ITPRIPL2: variants seen among roughly 807,000 people sequenced by gnomAD.
ITPRIPL2 encodes the protein inositol 1,4,5-trisphosphate receptor-interacting protein-like 2.
A neutral mutation model predicts 31.7 loss-of-function variants in ITPRIPL2; 29 were observed. The ratio of observed to expected loss-of-function variants is 0.91; its 90% CI spans 0.68 to 1.25. The LOEUF is 1.25. Among genes scored for constraint, ITPRIPL2 ranks in the 50% most tolerant of loss-of-function variants. The pLI is 0.00. For synonymous variants in ITPRIPL2, 344 were observed against 343.4 expected, an observed-to-expected ratio of 1.00 and a Z score of -0.02; for missense variants, 696 against 739.1, an observed-to-expected ratio of 0.94 and a Z score of 0.68.
In ITPRIPL2 at chr16:19,118,464, C is replaced by CAAA. The variant is rs34900715; in HGVS notation, c.*2410_*2412dup. The CAAA allele has an allele frequency of 9.8e-4, 119 of 121,738 alleles. No individual in the cohort carries two copies. Among genetic ancestry groups the CAAA allele is most frequent in the African/African-American group, 2.1e-3 (61 of 29,014 alleles). The allele number at this position is 121,738 out of a possible 1,614,324, so 7.5% of individuals were successfully genotyped here. ...TGGGTGACCGAGCGAGACTCCGTCTCAAAAAAAAAAAAAAAAAGCTTTAAA... is the reference window on the plus strand; with the variant it reads ...TGGGTGACCGAGCGAGACTCCGTCTCAAAAAAAAAAAAAAAAAAAAGCTTTAAA... On this transcript the variant is annotated 3_prime_UTR_variant, in exon 1 of 1. Transcript: ENST00000381440.
chr16:19,116,354 G>A lies in ITPRIPL2; in HGVS notation c.*285G>A, dbSNP rs577303279. ...TTGTTCTGTGTAGACGGATTCTGTA[G>A]AAGGATGTGGCTTTTAGAGAAGTCC... On this transcript the variant is annotated 3_prime_UTR_variant, in exon 1 of 1. Coordinates refer to ENST00000381440, the MANE Select transcript of ITPRIPL2 (RefSeq NM_001034841.4). The A allele has an allele frequency of 3.2e-3, 1,215 of 374,572 alleles. 5 individuals carry two copies. Among genetic ancestry groups the A allele is most frequent in the Non-Finnish European group, 4.7e-3 (941 of 201,438 alleles). 23.2% of individuals were successfully genotyped at this position (374,572 alleles called of 1,614,324 possible). A position where few individuals can be genotyped will look rare whatever the true frequency, so the allele number is the denominator to read the frequency against.
Position 19,113,992 on chromosome 16 carries a change from T to C in ITPRIPL2, c.-470T>C. 1 of 394,394 alleles carries C rather than the reference T, an allele frequency of 2.5e-6. No homozygotes were observed. Among genetic ancestry groups the C allele is most frequent in the Non-Finnish European group, 4.5e-6 (1 of 223,290 alleles). The allele number at this position is 394,394 out of a possible 1,614,324, so 24.4% of individuals were successfully genotyped here. ...CCGGCTCGCCAGCTCCACGCTCGGC[T>C]CCAGACTCCGGCATTTCCTCCCCGC... On this transcript the variant is annotated 5_prime_UTR_variant, in exon 1 of 1. Transcript: ENST00000381440.
rs755624187 is a variant in ITPRIPL2, at chr16:19,115,890, C to G, written c.1429C>G (p.Pro477Ala). The G allele has an allele frequency of 2.5e-6, 4 of 1,611,876 alleles. No individual in the cohort carries two copies. The South Asian group carries it at 4.4e-5, about 18-fold the overall frequency. ...PLPKALREAAPVDLLAAFDGH... is the reference protein window; with the variant it reads ...PLPKALREAAAVDLLAAFDGH... ...GCCCAAGGCACTGAGGGAAGCCGCC[C>G]CAGTTGACCTCCTGGCCGCTTTCGA... The change falls in exon 1 of 1, where the codon CCA becomes GCA. Residue 477 changes from proline (P) to alanine (A), a missense_variant. Physicochemically the swap from Pro to Ala is conservative, Grantham distance 27 (BLOSUM62 -1). Transcript: ENST00000381440.
rs1269055742 is a variant in ITPRIPL2 at position 19,118,448 on chromosome 16, G to A, written c.*2379G>A. On this transcript the variant is annotated 3_prime_UTR_variant, in exon 1 of 1. Transcript: ENST00000381440. ...CCACTGCACTCCAGCCTGGGTGACC[G>A]AGCGAGACTCCGTCTCAAAAAAAAA... The A allele has an allele frequency of 4.2e-5, 6 of 141,556 alleles. No individual in the cohort carries two copies. Among genetic ancestry groups the A allele is most frequent in the Admixed American group, 1.7e-4 (2 of 11,614 alleles). The allele number at this position is 141,556 out of a possible 1,614,324, so 8.8% of individuals were successfully genotyped here.
At position 19,116,146 on chromosome 16, in the gene ITPRIPL2, C is replaced by A; in HGVS notation, c.*77C>A. On this transcript the variant is annotated 3_prime_UTR_variant, in exon 1 of 1. Coordinates refer to ENST00000381440, the MANE Select transcript of ITPRIPL2 (RefSeq NM_001034841.4). ...GGTGGGGGTGGGAATGGCGGTGAAG[C>A]CAGTTAAATGCAAGATTGCAGAAGG... The A allele has an allele frequency of 1.4e-6, 2 of 1,406,790 alleles. No individual in the cohort carries two copies. Among genetic ancestry groups the A allele is most frequent in the Non-Finnish European group, 1.9e-6 (2 of 1,035,728 alleles). 87.1% of individuals were successfully genotyped at this position (1,406,790 alleles called of 1,614,324 possible).
rs996373294 is a variant in ITPRIPL2 at position 19,120,619 on chromosome 16, ATATATATT to A, written c.*4552_*4559del. On this transcript the variant is annotated 3_prime_UTR_variant, in exon 1 of 1. Transcript: ENST00000381440. ...GCCTGGCTAATATATATATATATATATATATATTTTTTTTTTTTTTTTTTAGTAGAGAT... is the reference window on the plus strand; with the variant it reads ...GCCTGGCTAATATATATATATATATATTTTTTTTTTTTTTTTAGTAGAGAT... 3 of 115,526 alleles carry A rather than the reference ATATATATT, an allele frequency of 2.6e-5. No homozygotes were observed. The highest frequency in any genetic ancestry group is 8.1e-5 in the African/African-American group (2 of 24,692). 7.2% of individuals were successfully genotyped at this position (115,526 alleles called of 1,614,324 possible).
Position 19,114,085 on chromosome 16 carries a change from G to T in ITPRIPL2, c.-377G>T. On this transcript the variant is annotated 5_prime_UTR_variant, in exon 1 of 1. Transcript: ENST00000381440. ...CGGGGTCCGAGTAACAGGGTCAGGC[G>T]CGGAGAGGAGCGGCGGGAGAGCCAG... The T allele has an allele frequency of 2.5e-6, 1 of 397,442 alleles. No individual in the cohort carries two copies. Among genetic ancestry groups the T allele is most frequent in the Non-Finnish European group, 4.4e-6 (1 of 225,320 alleles). 24.6% of individuals were successfully genotyped at this position (397,442 alleles called of 1,614,324 possible).
rs1249773980 is a variant in ITPRIPL2, at chr16:19,119,759, C to G, written c.*3690C>G. On this transcript the variant is annotated 3_prime_UTR_variant, in exon 1 of 1. Transcript: ENST00000381440. Reference sequence around the variant, plus strand: ...AAAAAGTTAACACAGCCATAGATAACACTTAACTCACAGTTCCCAGGAGGA... The same window carrying G: ...AAAAAGTTAACACAGCCATAGATAAGACTTAACTCACAGTTCCCAGGAGGA... 1 of 166,632 alleles carries G rather than the reference C, an allele frequency of 6.0e-6. No homozygotes were observed. Among genetic ancestry groups the G allele is most frequent in the Non-Finnish European group, 1.5e-5 (1 of 68,032 alleles). 10.3% of individuals were successfully genotyped at this position (166,632 alleles called of 1,614,324 possible). A position where few individuals can be genotyped will look rare whatever the true frequency, so the allele number is the denominator to read the frequency against.
At position 19,115,173 on chromosome 16, in the gene ITPRIPL2, G is replaced by C; in HGVS notation, c.712G>C (p.Val238Leu). The part of the protein sequence containing the change: ...DCKPFADAFC[V>L]DVRGRRHLSA... ...CAAACCCTTTGCTGATGCCTTCTGCGTGGATGTGCGCGGGCGGCGTCACCT... is the reference window on the plus strand; with the variant it reads ...CAAACCCTTTGCTGATGCCTTCTGCCTGGATGTGCGCGGGCGGCGTCACCT... The change falls in exon 1 of 1, where the codon GTG becomes CTG. Residue 238 changes from valine to leucine, a missense_variant. By Grantham distance (32) the Val-to-Leu change is conservative (BLOSUM62 1). Coordinates refer to ENST00000381440, the MANE Select transcript of ITPRIPL2 (RefSeq NM_001034841.4). The C allele has an allele frequency of 6.2e-7, 1 of 1,606,054 alleles. No individual in the cohort carries two copies. Among genetic ancestry groups the C allele is most frequent in the Non-Finnish European group, 8.5e-7 (1 of 1,179,970 alleles).
rs774903289 is a variant in ITPRIPL2 at position 19,114,385 on chromosome 16, G to A, written c.-77G>A. ...GGGACAGCGGGGCTGCCCGGGCGCT[G>A]TGCGCATGCTGGGCTTGGGTCGCCG... is the stretch of plus-strand genomic sequence containing the variant. On this transcript the variant is annotated 5_prime_UTR_variant, in exon 1 of 1. It adds an upstream start codon to the 5' untranslated region. Coordinates refer to ENST00000381440, the MANE Select transcript of ITPRIPL2 (RefSeq NM_001034841.4). 5.7e-4 allele frequency: 658 copies of A among 1,152,008 alleles called. No homozygotes were observed. Among genetic ancestry groups the A allele is most frequent in the Non-Finnish European group, 7.0e-4 (631 of 903,780 alleles). The allele number at this position is 1,152,008 out of a possible 1,614,324, so 71.4% of individuals were successfully genotyped here.
rs1407832715 is a variant in ITPRIPL2, at chr16:19,118,176, G to A, written c.*2107G>A. The stretch of plus-strand genomic sequence containing the variant: ...CATCAAGGGTTGGAAGGATTATAAA[G>A]CTTTAAGGCTGGGCGTGGTGGCTCA... On this transcript the variant is annotated 3_prime_UTR_variant, in exon 1 of 1. Transcript: ENST00000381440. 1.2e-5 allele frequency: 2 copies of A among 166,642 alleles called. No homozygotes were observed. The highest frequency in any genetic ancestry group is 2.9e-5 in the Non-Finnish European group (2 of 68,068). 10.3% of individuals were successfully genotyped at this position (166,642 alleles called of 1,614,324 possible). A position where few individuals can be genotyped will look rare whatever the true frequency, so the allele number is the denominator to read the frequency against.
At position 19,121,484 on chromosome 16, in the gene ITPRIPL2, C is replaced by T. The variant is rs1036537692; in HGVS notation, c.*5415C>T. 5 of 167,018 alleles carry T rather than the reference C, an allele frequency of 3.0e-5. No individual in the cohort carries two copies. Among genetic ancestry groups the T allele is most frequent in the African/African-American group, 1.2e-4 (5 of 41,438 alleles). The allele number at this position is 167,018 out of a possible 1,614,324, so 10.3% of individuals were successfully genotyped here. Reference sequence around the variant, plus strand: ...GTATGATTCAAAGGCAATTTAATCACCCCAAATTTCCATGGCCCCCACAGT... The same window carrying T: ...GTATGATTCAAAGGCAATTTAATCATCCCAAATTTCCATGGCCCCCACAGT... On this transcript the variant is annotated 3_prime_UTR_variant, in exon 1 of 1. Coordinates refer to ENST00000381440, the MANE Select transcript of ITPRIPL2 (RefSeq NM_001034841.4).
rs945508584 is a variant in ITPRIPL2 at position 19,117,746 on chromosome 16, G to C, written c.*1677G>C. The C allele has an allele frequency of 4.8e-5, 8 of 166,952 alleles. No individual in the cohort carries two copies. The highest frequency in any genetic ancestry group is 1.9e-4 in the African/African-American group (8 of 41,406). The allele number at this position is 166,952 out of a possible 1,614,324, so 10.3% of individuals were successfully genotyped here. On this transcript the variant is annotated 3_prime_UTR_variant, in exon 1 of 1. Transcript: ENST00000381440. The stretch of plus-strand genomic sequence containing the variant: ...CTCTATAAGCCTTCTTTCTTTAGGG[G>C]ATCCACTTGCCTGCTGTGGGAAATC...
chr16:19,114,514 G>T lies in ITPRIPL2; in HGVS notation c.53G>T (p.Gly18Val). The T allele has an allele frequency of 1.4e-6, 2 of 1,465,458 alleles. No individual in the cohort carries two copies. The highest frequency in any genetic ancestry group is 9.0e-7 in the Non-Finnish European group (1 of 1,108,378). The allele number at this position is 1,465,458 out of a possible 1,614,324, so 90.8% of individuals were successfully genotyped here. ...CGCGTCTTCTGGCCCCTGGTGACCG[G>T]CCTGTGCACCGCCCTGGTGTGCCTC... ...NLRVFWPLVT[G>V]LCTALVCLYH... Residue 18 changes from glycine (G) to valine (V), a missense_variant, in exon 1 of 1, where the codon GGC (glycine) becomes GTC (valine). Coordinates refer to ENST00000381440, the MANE Select transcript of ITPRIPL2 (RefSeq NM_001034841.4).
In ITPRIPL2 at chr16:19,114,575, C is replaced by T. The variant is rs779806854; in HGVS notation, c.114C>T (p.Ala38=). ...HVLRGSGGAR[A]EPADGVDGGF... Reference sequence around the variant, plus strand: ...TGCGGGGAAGCGGGGGCGCCCGGGCCGAGCCCGCCGACGGCGTGGATGGCG... The same window carrying T: ...TGCGGGGAAGCGGGGGCGCCCGGGCTGAGCCCGCCGACGGCGTGGATGGCG... Residue 38 remains alanine, a synonymous_variant, in exon 1 of 1, where the codon GCC becomes GCT. Transcript: ENST00000381440. The T allele has an allele frequency of 3.2e-6, 5 of 1,558,434 alleles. No individual in the cohort carries two copies. Among genetic ancestry groups the T allele is most frequent in the Admixed American group, 1.8e-5 (1 of 54,222 alleles).
Position 19,115,580 on chromosome 16 carries a change from C to A in ITPRIPL2, c.1119C>A (p.Leu373=). The change falls in exon 1 of 1, where the codon CTC becomes CTA. Residue 373 remains leucine (L), a synonymous_variant. Coordinates refer to ENST00000381440, the MANE Select transcript of ITPRIPL2 (RefSeq NM_001034841.4). ...QERAAPGACY[L]KCLQLLKALR... ...GGGCAGCTCCAGGTGCCTGCTACCT[C>A]AAGTGCCTGCAGTTGCTTAAGGCTC... 2.5e-6 allele frequency: 4 copies of A among 1,605,126 alleles called. No individual in the cohort carries two copies. The highest frequency in any genetic ancestry group is 3.4e-6 in the Non-Finnish European group (4 of 1,178,832).
At position 19,116,148 on chromosome 16, in the gene ITPRIPL2, A is replaced by G; in HGVS notation, c.*79A>G. The G allele has an allele frequency of 7.1e-7, 1 of 1,399,604 alleles. No homozygotes were observed. The highest frequency in any genetic ancestry group is 9.7e-7 in the Non-Finnish European group (1 of 1,029,150). The allele number at this position is 1,399,604 out of a possible 1,614,324, so 86.7% of individuals were successfully genotyped here. ...TGGGGGTGGGAATGGCGGTGAAGCC[A>G]GTTAAATGCAAGATTGCAGAAGGCA... is the stretch of plus-strand genomic sequence containing the variant. On this transcript the variant is annotated 3_prime_UTR_variant, in exon 1 of 1. Transcript: ENST00000381440.
At position 19,115,295 on chromosome 16, in the gene ITPRIPL2, G is replaced by A; in HGVS notation, c.834G>A (p.Leu278=). The change falls in exon 1 of 1, where the codon TTG becomes TTA. Residue 278 remains leucine (L), a synonymous_variant. Coordinates refer to ENST00000381440, the MANE Select transcript of ITPRIPL2 (RefSeq NM_001034841.4). ...TGGAGGGGCGCTGTCGGGTCACCTTGACCCCAGGTGGCCTGGAACAGCCCC... is the reference window on the plus strand; with the variant it reads ...TGGAGGGGCGCTGTCGGGTCACCTTAACCCCAGGTGGCCTGGAACAGCCCC... ...YSLEGRCRVT[L]TPGGLEQPPT... The A allele has an allele frequency of 2.5e-6, 4 of 1,613,152 alleles. No individual in the cohort carries two copies. Among genetic ancestry groups the A allele is most frequent in the Non-Finnish European group, 3.4e-6 (4 of 1,180,012 alleles).
In ITPRIPL2 at chr16:19,114,516, C is replaced by CGTCT; in HGVS notation, c.55_56insGTCT (p.Leu19ArgfsTer35). The CGTCT allele has an allele frequency of 6.8e-7, 1 of 1,467,956 alleles. No homozygotes were observed. The highest frequency in any genetic ancestry group is 9.0e-7 in the Non-Finnish European group (1 of 1,109,666). 90.9% of individuals were successfully genotyped at this position (1,467,956 alleles called of 1,614,324 possible). A position where few individuals can be genotyped will look rare whatever the true frequency, so the allele number is the denominator to read the frequency against. On this transcript the variant is annotated frameshift_variant, in exon 1 of 1. Transcript: ENST00000381440. LOFTEE classifies it high-confidence loss of function. The stretch of plus-strand genomic sequence containing the variant: ...CGTCTTCTGGCCCCTGGTGACCGGC[C>CGTCT]TGTGCACCGCCCTGGTGTGCCTCTA...
Sources: gnomAD v4.1 joint callset for allele counts on GRCh38, gnomAD v4.1.1 for gene constraint, MANE v1.5 for transcripts, NCBI Gene and HGNC (gene_info 2026-07-23, HGNC 2026-07-21) for gene names.